DENND1A: variants seen among roughly 807,000 people sequenced by gnomAD.
DENND1A encodes DENN domain containing 1A.
In DENND1A, 51 loss-of-function variants were observed where a neutral mutation model predicts 113.7. The ratio of observed to expected loss-of-function variants is 0.45; its 90% CI spans 0.36 to 0.57. The LOEUF is 0.57. DENND1A is among the 20% of genes least tolerant of loss of function. The pLI, the probability that DENND1A is intolerant of heterozygous loss-of-function variation, is 0.00. For missense variants in DENND1A, 1,258 were observed against 1,395.9 expected, an observed-to-expected ratio of 0.90 and a Z score of 1.57; for synonymous variants, 565 against 570.8, an observed-to-expected ratio of 0.99 and a Z score of 0.14.
intron 5 of DENND1A, among the ~76,000 whole-genome samples, chr9:123,734,959 A>C (rs2068453776): frequency 6.6e-6 from 1 of 152,208 alleles, no homozygotes; most frequent in Non-Finnish European, 1.5e-5. Flanking sequence ...TCCTCGCTAC[A>C]ATCCTCCAAG....
At chr9:123,550,557 C>T (rs1589097023) in intron 13 of DENND1A, among the ~76,000 whole-genome samples, 3 of 152,322 alleles carry the variant, frequency 2.0e-5, no homozygotes, top group African/African-American at 2.4e-5. Context: ...CACCGTCATG[C>T]AGCATGGGTT....
chr9:123,571,600 T>G (rs1432371471), intron 12 of DENND1A, among the ~76,000 whole-genome samples: 1 of 152,266 alleles, frequency 6.6e-6, no homozygotes, highest in Non-Finnish European at 1.5e-5. Flanking sequence ...GAATTAAGAT[T>G]CATTCATGTT....
At chr9:123,853,020 G>T (rs1347161642) in intron 2 of DENND1A, among the ~76,000 whole-genome samples, 1 of 151,862 alleles carries the variant, frequency 6.6e-6, no homozygotes, top group Non-Finnish European at 1.5e-5. Flanking sequence ...CTGGGTTAAA[G>T]CCATTCTCCT....
chr9:123,476,586 C>T (rs1261694268), intron 13 of DENND1A, among the ~76,000 whole-genome samples: 1 of 152,190 alleles, frequency 6.6e-6, no homozygotes, highest in Non-Finnish European at 1.5e-5. Context: ...AATGCCCGTT[C>T]CTGGGCCATG....
chr9:123,842,943 G>C (rs1842037205), intron 2 of DENND1A: 1 of 283,506 alleles, frequency 3.5e-6, no homozygotes. Context: ...GCCTGCATTA[G>C]GGCCAGGACA....
intron 12 of DENND1A, among the ~76,000 whole-genome samples, chr9:123,566,590 A>G (rs2058064646): frequency 6.6e-6 from 1 of 152,210 alleles, no homozygotes; most frequent in African/African-American, 2.4e-5. Context: ...TCTGCTGAGC[A>G]TCCCAGGAAT....
At chr9:123,535,821 T>A (rs368187269) in intron 13 of DENND1A, among the ~76,000 whole-genome samples, 3 of 152,336 alleles carry the variant, frequency 2.0e-5, no homozygotes, top group Admixed American at 1.3e-4. Flanking sequence ...TCTTCTTTTA[T>A]TTTTTGTTCA....
At chr9:123,893,560 C>T (rs1447408302) in intron 1 of DENND1A, among the ~76,000 whole-genome samples, 1 of 152,184 alleles carries the variant, frequency 6.6e-6, no homozygotes, top group African/African-American at 2.4e-5. Context: ...ACTTACATGC[C>T]TTGTATATAC....
chr9:123,768,150 A>T (rs1343670914), intron 4 of DENND1A, among the ~76,000 whole-genome samples: 1 of 152,170 alleles, frequency 6.6e-6, no homozygotes, highest in African/African-American at 2.4e-5. Context: ...TTCTTTTTTG[A>T]GCATCAACCT....
rs773320728 is a variant in DENND1A at position 123,707,687 on chromosome 9, G to A, written c.303-30898C>T. 5.3e-5 allele frequency among the ~76,000 whole-genome samples: 8 copies of A among 152,314 alleles called. No homozygotes were observed. In the East Asian group the frequency reaches 1.4e-3, roughly 26 times the overall value. ...GAGCAGATTCAGAGGGGTGGTGGGA[G>A]TGGAAGCCTGATTGGAATGACTTCA... On this transcript the variant is annotated intron_variant, in intron 5 of 23. Coordinates refer to ENST00000394215, the MANE Select transcript of DENND1A (RefSeq NM_001352964.2).
intron 5 of DENND1A, among the ~76,000 whole-genome samples, chr9:123,684,035 T>C (rs1398765816): frequency 6.6e-6 from 1 of 152,192 alleles, no homozygotes; most frequent in Admixed American, 6.5e-5. Context: ...GAGCAAGTGA[T>C]TATTCAAAGT....
chr9:123,476,179 AT>A (rs995508823), intron 13 of DENND1A, among the ~76,000 whole-genome samples: 93 of 151,758 alleles, frequency 6.1e-4, no homozygotes, highest in African/African-American at 2.0e-3. Context: ...GAGGGACCAC[AT>A]CTCAAAAAAA....
intron 12 of DENND1A, among the ~76,000 whole-genome samples, chr9:123,573,179 T>C (rs2163054): frequency 0.06 from 9,100 of 152,274 alleles, 386 homozygotes; most frequent in African/African-American, 0.093. Flanking sequence ...TCTTGATTAC[T>C]GTAACTTTAT....
chr9:123,748,659 C>T (rs1310031166), intron 5 of DENND1A, among the ~76,000 whole-genome samples: 1 of 152,126 alleles, frequency 6.6e-6, no homozygotes, highest in Non-Finnish European at 1.5e-5. Context: ...GTATTTTGAG[C>T]CATTTTCTTT....
rs564488873 is a variant in DENND1A, at chr9:123,922,440, A to G, written c.17+7449T>C. ...TACTAACACATACATTAAAAAATACAAACTTTGAAGGTTGATATAAAAATA... is the reference window on the plus strand; with the variant it reads ...TACTAACACATACATTAAAAAATACGAACTTTGAAGGTTGATATAAAAATA... On this transcript the variant is annotated intron_variant, in intron 1 of 23. Transcript: ENST00000394215. Among the ~76,000 whole-genome samples the G allele has an allele frequency of 2.6e-5, 4 of 152,374 alleles. No homozygotes were observed. The East Asian group carries it at 7.7e-4, about 29-fold the overall frequency.
At chr9:123,728,479 CAA>C (rs60761810) in intron 5 of DENND1A, among the ~76,000 whole-genome samples, 124 of 25,162 alleles carry the variant, frequency 4.9e-3, no homozygotes, top group African/African-American at 0.016. Context: ...CTCTGTCTCC[CAA>C]AAAAAAAAAA....
intron 19 of DENND1A, among the ~76,000 whole-genome samples, chr9:123,423,607 G>C (rs2045487118): frequency 6.6e-6 from 1 of 152,162 alleles, no homozygotes; most frequent in South Asian, 2.1e-4. Flanking sequence ...CTGATCACTT[G>C]GCAGGCCCTC....
chr9:123,748,042 T>G (rs1450889891), intron 5 of DENND1A, among the ~76,000 whole-genome samples: 1 of 152,204 alleles, frequency 6.6e-6, no homozygotes, highest in Non-Finnish European at 1.5e-5. Context: ...AGCAAATGCA[T>G]TTTTAAAAAG....
chr9:123,775,070 A>T (rs1830271061), intron 3 of DENND1A, among the ~76,000 whole-genome samples: 1 of 152,218 alleles, frequency 6.6e-6, no homozygotes, highest in African/African-American at 2.4e-5. Flanking sequence ...AAGTTGTTCC[A>T]TAATCATGAT....
Sources: allele counts gnomAD v4.1 joint callset (sites outside exome capture counted in the v4.1 genomes callset), GRCh38; gene constraint gnomAD v4.1.1; transcripts MANE v1.5; gene names NCBI Gene and HGNC (gene_info 2026-07-23, HGNC 2026-07-21).